The following HNRNPUL1 variants were observed in gnomAD, a reference collection of about 807,000 sequenced individuals.
The protein encoded by HNRNPUL1 is heterogeneous nuclear ribonucleoprotein U like 1.
In HNRNPUL1, 14 loss-of-function variants were observed where a neutral mutation model predicts 108.5. The ratio of observed to expected loss-of-function variants is 0.13; its 90% CI spans 0.09 to 0.20. HNRNPUL1 has a LOEUF of 0.20. Among genes scored for constraint, HNRNPUL1 ranks in the 10% least tolerant of loss-of-function variants. HNRNPUL1 has a pLI of 1.00. For synonymous variants in HNRNPUL1, 422 were observed against 445.2 expected (o/e 0.95, Z 0.66); for missense variants, 804 against 1,168.3 (o/e 0.69, Z 4.55).
chr19:41,281,255 G>A lies in HNRNPUL1; in HGVS notation c.979G>A (p.Asp327Asn). ...ENYGDKFAEN[D>N]VIGCFADFEC... Reference sequence around the variant, plus strand: ...CTACGGAGACAAGTTTGCAGAGAACGATGTGATTGGCTGCTTTGCGGTGAG... The same window carrying A: ...CTACGGAGACAAGTTTGCAGAGAACAATGTGATTGGCTGCTTTGCGGTGAG... Residue 327 changes from aspartate to asparagine, a missense_variant, in exon 7 of 15, where the codon GAT (aspartate) becomes AAT (asparagine). Coordinates refer to ENST00000392006, the MANE Select transcript of HNRNPUL1 (RefSeq NM_007040.6). 6.2e-7 allele frequency: 1 copy of A among 1,613,724 alleles called. No homozygotes were observed. Among genetic ancestry groups the A allele is most frequent in the Non-Finnish European group, 8.5e-7 (1 of 1,179,658 alleles).
intron 7 of HNRNPUL1, among the ~76,000 whole-genome samples, chr19:41,283,851 C>T (rs184635057): frequency 1.9e-4 from 29 of 152,260 alleles, no homozygotes; most frequent in South Asian, 1.2e-3. Flanking sequence ...CCTCGGCCTG[C>T]GAAAGTCCTG....
chr19:41,303,865 C>T, intron 12 of HNRNPUL1, 107 bp from the exon 13 acceptor site: 1 of 1,371,490 alleles, frequency 7.3e-7, no homozygotes. Flanking sequence ...TGAGTTCTTG[C>T]TCTGCGCCTG....
rs571115244 is a variant in HNRNPUL1 at position 41,292,629 on chromosome 19, C to T, written c.1266+118C>T. 4.9e-5 allele frequency: 62 copies of T among 1,263,298 alleles called. 1 individual carries two copies. The South Asian group carries it at 7.9e-4, about 16-fold the overall frequency. 78.3% of individuals were successfully genotyped at this position (1,263,298 alleles called of 1,614,324 possible). A position where few individuals can be genotyped will look rare whatever the true frequency, so the allele number is the denominator to read the frequency against. ...GCCTTGGGGCAAGTGGCCACTTTGT[C>T]CCAGCTCCTCAGGGTTGGACTCAGA... On this transcript the variant is annotated intron_variant, in intron 8 of 14. Transcript: ENST00000392006. This position sits in a 1 kb window ranked among gnomAD's most constrained non-coding sequence, Gnocchi z 4.1.
At chr19:41,282,758 C>G (rs1481454560) in intron 7 of HNRNPUL1, among the ~76,000 whole-genome samples, 1 of 146,460 alleles carries the variant, frequency 6.8e-6, no homozygotes, top group African/African-American at 2.5e-5. Flanking sequence ...GGCGGGATCT[C>G]GGCTCACTGC....
At chr19:41,299,013 A>G (rs774354181) in intron 10 of HNRNPUL1, 4 of 151,980 alleles carry the variant, frequency 2.6e-5, no homozygotes, top group Non-Finnish European at 5.9e-5. Context: ...AGAAAATTAT[A>G]TTTAGCTGAG....
In HNRNPUL1 at chr19:41,304,257, C is replaced by T. The variant is rs1214402184; in HGVS notation, c.2258C>T (p.Pro753Leu). 6.2e-7 allele frequency: 1 copy of T among 1,603,968 alleles called. No homozygotes were observed. Among genetic ancestry groups the T allele is most frequent in the Admixed American group, 1.7e-5 (1 of 58,882 alleles). Residue 753 changes from proline to leucine, a missense_variant, in exon 13 of 15, where the codon CCA becomes CTA. Around this residue, in one of 4 missense-constraint regions of HNRNPUL1, gnomAD observed 294 missense variants for 388.3 expected, o/e 0.76. Transcript: ENST00000392006. ...STPTVSSYSP[P>L]QPSYSQPPYN... ...CCCACCGTCAGCAGCTACAGCCCTC[C>T]ACAGGTGAGAGAATGAGTGTGTGTT...
intron 10 of HNRNPUL1, among the ~76,000 whole-genome samples, chr19:41,299,494 T>A (rs563397161): frequency 1.3e-5 from 2 of 152,174 alleles, no homozygotes; most frequent in African/African-American, 2.4e-5. Flanking sequence ...GTATTTTCCA[T>A]TGGGAAGCCT....
At chr19:41,300,498 G>A (rs1219448053) in intron 10 of HNRNPUL1, among the ~76,000 whole-genome samples, 1 of 152,114 alleles carries the variant, frequency 6.6e-6, no homozygotes, top group Admixed American at 6.5e-5. Context: ...CTGTATAGGT[G>A]CCTGGGTCTT....
intron 10 of HNRNPUL1, among the ~76,000 whole-genome samples, chr19:41,295,359 G>A (rs1568453518): frequency 2.6e-5 from 4 of 151,816 alleles, no homozygotes; most frequent in Admixed American, 2.6e-4. Context: ...AGCTGCAGGT[G>A]TATCCTTTTT....
chr19:41,292,539 C>T lies in HNRNPUL1; in HGVS notation c.1266+28C>T, dbSNP rs769755884. On this transcript the variant is annotated intron_variant, in intron 8 of 14. Transcript: ENST00000392006. This position sits in a 1 kb window ranked among gnomAD's most constrained non-coding sequence, Gnocchi z 4.1. ...GAGTGGGGCCAGAATGTATTGGTGG[C>T]CACCTTGCTGCCAAGACAGAGGAGA... 6 of 1,595,340 alleles carry T rather than the reference C, an allele frequency of 3.8e-6. No individual in the cohort carries two copies. The highest frequency in any genetic ancestry group is 2.0e-4 in the Middle Eastern group (1 of 4,994).
At chr19:41,276,122 A>T (rs200747059) in intron 4 of HNRNPUL1, 37 bp from the exon 5 acceptor site, 2 of 1,613,246 alleles carry the variant, frequency 1.2e-6, no homozygotes, top group African/African-American at 2.7e-5. Flanking sequence ...AAAACAAAAT[A>T]AAAACATCAG....
rs2036765296 is a variant in HNRNPUL1, at chr19:41,294,379, A to G, written c.1308A>G (p.Thr436=). 9 of 1,614,128 alleles carry G rather than the reference A, an allele frequency of 5.6e-6. No homozygotes were observed. The highest frequency in any genetic ancestry group is 3.3e-4 in the Middle Eastern group (2 of 6,062). The part of the protein sequence containing the change: ...MVGLPAAGKT[T]WAIKHAASNP... ...GCCTGCCTGCTGCTGGCAAGACCAC[A>G]TGGGCCATCAAACATGCAGCCTCCA... Residue 436 remains threonine, a synonymous_variant, in exon 9 of 15, where the codon ACA becomes ACG. Coordinates refer to ENST00000392006, the MANE Select transcript of HNRNPUL1 (RefSeq NM_007040.6). This position sits in a 1 kb window ranked among gnomAD's most constrained non-coding sequence, Gnocchi z 4.3.
At chr19:41,280,955 T>G (rs774959442) in intron 6 of HNRNPUL1, 97 of 528,552 alleles carry the variant, frequency 1.8e-4, no homozygotes, top group Non-Finnish European at 3.1e-4. Context: ...ACTCCCAGAC[T>G]GGACAATGAA....
At position 41,287,386 on chromosome 19, in the gene HNRNPUL1, C is replaced by T. The variant is rs528708135; in HGVS notation, c.1000-4859C>T. On this transcript the variant is annotated intron_variant, in intron 7 of 14. Coordinates refer to ENST00000392006, the MANE Select transcript of HNRNPUL1 (RefSeq NM_007040.6). ...AAACTTGATATAATGCTATTATCTA[C>T]TGCGCATTCAAATTTTGTCACTTGT... is the stretch of plus-strand genomic sequence containing the variant. 8.5e-5 allele frequency among the ~76,000 whole-genome samples: 13 copies of T among 152,254 alleles called. No homozygotes were observed. In the South Asian group the frequency reaches 2.7e-3, roughly 32 times the overall value.
intron 6 of HNRNPUL1, among the ~76,000 whole-genome samples, chr19:41,279,406 A>G (rs1285790231): frequency 1.3e-5 from 2 of 152,318 alleles, no homozygotes; most frequent in South Asian, 2.1e-4. Context: ...CTTATCCTTC[A>G]TCTTTTAGGA....
At chr19:41,293,683 G>T (rs951886497) in intron 8 of HNRNPUL1, among the ~76,000 whole-genome samples, 2 of 152,198 alleles carry the variant, frequency 1.3e-5, no homozygotes, top group South Asian at 2.1e-4. Context: ...TATTGCAGGG[G>T]GCGGGGAATG....
At position 41,287,663 on chromosome 19, in the gene HNRNPUL1, G is replaced by A. The variant is rs187325790; in HGVS notation, c.1000-4582G>A. Reference sequence around the variant, plus strand: ...CAACCTCCACCTCCCAGGTTCAAACGATTCTCCAGCCTCAGCCGCCCGAGT... The same window carrying A: ...CAACCTCCACCTCCCAGGTTCAAACAATTCTCCAGCCTCAGCCGCCCGAGT... On this transcript the variant is annotated intron_variant, in intron 7 of 14. Transcript: ENST00000392006. Among the ~76,000 whole-genome samples the A allele has an allele frequency of 8.3e-4, 127 of 152,190 alleles. 1 individual carries two copies. In the East Asian group the frequency reaches 0.023, roughly 27 times the overall value.
intron 5 of HNRNPUL1, chr19:41,278,578 A>G (rs1371986364): frequency 6.4e-6 from 1 of 155,496 alleles, no homozygotes. Context: ...ATGCTGAGTT[A>G]TAGAGCATGT....
At chr19:41,277,923 G>A (rs2035668150) in intron 5 of HNRNPUL1, among the ~76,000 whole-genome samples, 1 of 150,850 alleles carries the variant, frequency 6.6e-6, no homozygotes, top group Non-Finnish European at 1.5e-5. Flanking sequence ...CGGCAGTCTA[G>A]TCTTTTAATA....
Sources: allele counts gnomAD v4.1 joint callset (sites outside exome capture counted in the v4.1 genomes callset), GRCh38; gene constraint gnomAD v4.1.1; regional missense constraint gnomAD v4.1.1; non-coding constraint Gnocchi (gnomAD v3.1); transcripts MANE v1.5; gene names NCBI Gene and HGNC (gene_info 2026-07-23, HGNC 2026-07-21).